VAC14: variants seen among roughly 807,000 people sequenced by gnomAD.
VAC14 encodes VAC14 component of PIKFYVE complex.
In VAC14, 47 loss-of-function variants were observed where a neutral mutation model predicts 85.3. That is an observed-to-expected ratio of 0.55 (90% CI 0.44 to 0.70). The LOEUF (loss-of-function observed/expected upper bound fraction) is 0.70, where lower values mean the gene tolerates loss of function less well. VAC14 is among the 30% of genes least tolerant of loss of function. The probability of loss-of-function intolerance (pLI) is 0.00; values close to 1 mark genes in which losing one functional copy is unlikely to be tolerated. For missense variants in VAC14, 861 were observed against 1,004.3 expected (o/e 0.86, Z 1.93); for synonymous variants, 447 against 430.5 (o/e 1.04, Z -0.47).
At chr16:70,719,882 A>G (rs2054246679) in intron 14 of VAC14, among the ~76,000 whole-genome samples, 1 of 152,236 alleles carries the variant, frequency 6.6e-6, no homozygotes, top group Non-Finnish European at 1.5e-5. Flanking sequence ...ATGTGTCTAT[A>G]TGGTTATCAA....
intron 14 of VAC14, among the ~76,000 whole-genome samples, chr16:70,703,177 G>A (rs2053861368): frequency 6.6e-6 from 1 of 152,254 alleles, no homozygotes. Context: ...CCCAGCTTGA[G>A]TTGCCTGCCT....
At chr16:70,696,922 C>T (rs944932372) in intron 16 of VAC14, 1 of 496,860 alleles carries the variant, frequency 2.0e-6, no homozygotes, top group Admixed American at 3.2e-5. Context: ...GCCAGCTCCC[C>T]CTCCAAGAGC....
At position 70,692,967 on chromosome 16, in the gene VAC14, C is replaced by G. The variant is rs777386891; in HGVS notation, c.2040G>C (p.Leu680=). The change falls in exon 18 of 19, where the codon CTG becomes CTC. Residue 680 remains leucine (L), a synonymous_variant. Transcript: ENST00000261776. ...TCTTCACGTCCAGCAGCTGCAGGCG[C>G]AGATCTGGGGTAGGCAGAGGGCAGG... The part of the protein sequence containing the change: ...QLIECPIFTY[L]RLQLLDVKNN... The G allele has an allele frequency of 1.4e-5, 23 of 1,610,658 alleles. No individual in the cohort carries two copies. Among genetic ancestry groups the G allele is most frequent in the Non-Finnish European group, 1.9e-5 (22 of 1,179,312 alleles).
intron 9 of VAC14, among the ~76,000 whole-genome samples, chr16:70,780,366 G>T (rs1259806919): frequency 6.6e-6 from 1 of 152,112 alleles, no homozygotes; most frequent in East Asian, 1.9e-4. Context: ...TTGGTGGCTG[G>T]ACGTCTACGG....
intron 9 of VAC14, among the ~76,000 whole-genome samples, chr16:70,774,874 T>G (rs1215674615): frequency 6.6e-6 from 1 of 151,848 alleles, no homozygotes; most frequent in Non-Finnish European, 1.5e-5. Flanking sequence ...GCTTCCTGAG[T>G]AGCTGAGATT....
chr16:70,773,231 AAT>A (rs2033337876), intron 9 of VAC14: 1 of 152,136 alleles, frequency 6.6e-6, no homozygotes, highest in Admixed American at 6.5e-5. Flanking sequence ...ATTCTATCTC[AAT>A]AAAGGGCTTA....
chr16:70,717,690 C>CT (rs1399284867), intron 14 of VAC14, among the ~76,000 whole-genome samples: 2 of 152,174 alleles, frequency 1.3e-5, no homozygotes, highest in African/African-American at 4.8e-5. Flanking sequence ...GGGTCTCACT[C>CT]TGTCACCCAG....
chr16:70,766,471 G>A (rs2032822981), intron 10 of VAC14: 1 of 456,768 alleles, frequency 2.2e-6, no homozygotes, highest in South Asian at 1.5e-5. Flanking sequence ...GAACCTGAAG[G>A]TATAGGGCAT....
intron 18 of VAC14, chr16:70,691,032 C>T: frequency 1.0e-6 from 1 of 985,482 alleles, no homozygotes; most frequent in Non-Finnish European, 1.2e-6. Context: ...TACTCTAGGC[C>T]TGCAAAGCAT....
chr16:70,698,630 A>G lies in VAC14; in HGVS notation c.1836+7T>C. ...CGCCTGAGGATGGAGTCCCGGACGC[A>G]GCCTACCAGGGTCTTCAGGTCCTTC... On this transcript the variant is annotated splice_region_variant and intron_variant, in intron 15 of 18. Coordinates refer to ENST00000261776, the MANE Select transcript of VAC14 (RefSeq NM_018052.5). 1.9e-6 allele frequency: 3 copies of G among 1,613,948 alleles called. No homozygotes were observed. The highest frequency in any genetic ancestry group is 1.1e-5 in the South Asian group (1 of 91,070).
intron 14 of VAC14, chr16:70,716,508 G>C (rs2054170027): frequency 6.6e-6 from 1 of 152,290 alleles, no homozygotes; most frequent in Non-Finnish European, 1.5e-5. Flanking sequence ...TCCGTACAAA[G>C]GCAGCAGGCA....
At chr16:70,741,187 G>C (rs148702478) in intron 13 of VAC14, among the ~76,000 whole-genome samples, 11 of 152,402 alleles carry the variant, frequency 7.2e-5, no homozygotes, top group African/African-American at 2.6e-4. Context: ...AATCCAAACA[G>C]GAAGAGGGTA....
chr16:70,703,587 T>A (rs1379599180), intron 14 of VAC14, among the ~76,000 whole-genome samples: 1 of 152,214 alleles, frequency 6.6e-6, no homozygotes, highest in Non-Finnish European at 1.5e-5. Flanking sequence ...GTGTCACTGG[T>A]TGTGTCCTTC....
At chr16:70,689,151 G>A (rs2053553234) in intron 18 of VAC14, 2 of 976,996 alleles carry the variant, frequency 2.0e-6, no homozygotes, top group African/African-American at 1.8e-5. Flanking sequence ...TCCTAGCGGT[G>A]TGACTTGAGC....
At chr16:70,688,398 C>T in intron 18 of VAC14, 1 of 1,039,872 alleles carries the variant, frequency 9.6e-7, no homozygotes, top group Non-Finnish European at 1.2e-6. Context: ...CGAGTGGCTC[C>T]CTTTGGGGTG....
chr16:70,695,726 C>G, intron 16 of VAC14, 103 bp from the exon 17 acceptor site: 1 of 1,124,614 alleles, frequency 8.9e-7, no homozygotes, highest in Non-Finnish European at 1.3e-6. Flanking sequence ...GTGCACAGAG[C>G]CTGGTTGTGG....
chr16:70,735,203 T>TGG (rs1470589956), intron 13 of VAC14, among the ~76,000 whole-genome samples: 1 of 152,072 alleles, frequency 6.6e-6, no homozygotes, highest in African/African-American at 2.4e-5. Flanking sequence ...CAGAGGCATC[T>TGG]GGGACCATCA....
In VAC14 at chr16:70,760,934, C is replaced by T. The variant is rs557736724; in HGVS notation, c.1371+1606G>A. ...CGGGGCCAAGTCCACCTGGGCCTCG[C>T]GCTGCAGGGGGTGGTGCACGAAGAG... On this transcript the variant is annotated intron_variant, in intron 12 of 18. Coordinates refer to ENST00000261776, the MANE Select transcript of VAC14 (RefSeq NM_018052.5). Among the ~76,000 whole-genome samples, 50 of 132,630 alleles carry T rather than the reference C, an allele frequency of 3.8e-4. 1 individual carries two copies. The highest frequency in any genetic ancestry group is 3.4e-3 in the Admixed American group (43 of 12,612). 87.0% of individuals were successfully genotyped at this position (132,630 alleles called of 152,430 possible).
At chr16:70,779,752 A>G (rs926552153) in intron 9 of VAC14, among the ~76,000 whole-genome samples, 2 of 152,242 alleles carry the variant, frequency 1.3e-5, no homozygotes, top group East Asian at 1.9e-4. Flanking sequence ...GTGAGGACAG[A>G]GACCCAAGAA....
Sources: gnomAD v4.1 joint callset for allele counts (sites outside exome capture counted in the v4.1 genomes callset) on GRCh38, gnomAD v4.1.1 for gene constraint, MANE v1.5 for transcripts, NCBI Gene and HGNC (gene_info 2026-07-23, HGNC 2026-07-21) for gene names.